The following RGS8 variants were observed in gnomAD, a reference collection of about 807,000 sequenced individuals.
RGS8 encodes regulator of G protein signaling 8.
Under a neutral mutation model 21.7 loss-of-function variants are expected in RGS8, and 8 were observed. The ratio of observed to expected loss-of-function variants is 0.37; its 90% confidence interval spans 0.22 to 0.66. The LOEUF is 0.66. Among genes scored for constraint, RGS8 ranks in the 30% least tolerant of loss-of-function variants. The probability of loss-of-function intolerance (pLI) is 0.59; values close to 1 mark genes in which losing one functional copy is unlikely to be tolerated. For synonymous variants in RGS8, 80 were observed against 83.6 expected (o/e 0.96, Z 0.24); for missense variants, 157 against 217.9 (o/e 0.72, Z 1.76).
chr1:182,697,993 C>A, the RGS8 span, among the ~76,000 whole-genome samples: 2 of 152,110 alleles, frequency 1.3e-5, no homozygotes, highest in Non-Finnish European at 2.9e-5. Context: ...AATTCAGGGA[C>A]TTAGAGGGAA....
the RGS8 span, among the ~76,000 whole-genome samples, chr1:182,699,906 G>C: frequency 0.031 from 4,661 of 152,284 alleles, 106 homozygotes; most frequent in Non-Finnish European, 0.043. Context: ...TGACATATGA[G>C]AGGTCTCACG....
the RGS8 span, among the ~76,000 whole-genome samples, chr1:182,742,032 T>G: frequency 4.0e-4 from 38 of 94,562 alleles, no homozygotes; most frequent in South Asian, 7.3e-4. Context: ...AGACGGGGCG[T>G]CCGGGCAGAG....
chr1:182,683,722 C>G (rs1664616136), intron 1 of RGS8, among the ~76,000 whole-genome samples: 1 of 151,650 alleles, frequency 6.6e-6, no homozygotes, highest in Non-Finnish European at 1.5e-5. Context: ...CTGTAGGAGG[C>G]AACCGTGCCC....
At chr1:182,727,302 G>A in the RGS8 span, among the ~76,000 whole-genome samples, 1 of 152,188 alleles carries the variant, frequency 6.6e-6, no homozygotes, top group Non-Finnish European at 1.5e-5. Context: ...GACCTCATGG[G>A]ACTGTTGGGA....
chr1:182,689,948 A>T, the RGS8 span, among the ~76,000 whole-genome samples: 1 of 152,198 alleles, frequency 6.6e-6, no homozygotes, highest in Admixed American at 6.5e-5. Context: ...TCTTGGCCTG[A>T]TCAACCTGTC....
the RGS8 span, among the ~76,000 whole-genome samples, chr1:182,731,614 C>CA: frequency 6.6e-6 from 1 of 152,168 alleles, no homozygotes; most frequent in African/African-American, 2.4e-5. Flanking sequence ...CTCAACATTA[C>CA]AAAAAGCACA....
At chr1:182,741,481 G>A in the RGS8 span, among the ~76,000 whole-genome samples, 4 of 140,678 alleles carry the variant, frequency 2.8e-5, 1 homozygote, top group South Asian at 4.5e-4. Flanking sequence ...GGGACCGGGC[G>A]GCTGGCCGGG....
chr1:182,711,085 G>C, the RGS8 span, among the ~76,000 whole-genome samples: 1,307 of 152,310 alleles, frequency 8.6e-3, 15 homozygotes, highest in African/African-American at 0.027. Context: ...GGCCCAAGAA[G>C]GAGATCACAC....
intron 3 of RGS8, among the ~76,000 whole-genome samples, chr1:182,667,437 T>C (rs1166122126): frequency 6.6e-6 from 1 of 152,178 alleles, no homozygotes; most frequent in Non-Finnish European, 1.5e-5. Context: ...TATCAGAGTC[T>C]TAAGCACAAA....
the RGS8 span, among the ~76,000 whole-genome samples, chr1:182,705,983 C>G: frequency 0.53 from 80,240 of 151,808 alleles, 22,097 homozygotes; most frequent in African/African-American, 0.71. Flanking sequence ...CTTTTTTTTT[C>G]TTTATTTTTT....
At chr1:182,648,738 A>C (rs1662833117) in intron 5 of RGS8, among the ~76,000 whole-genome samples, 2 of 151,958 alleles carry the variant, frequency 1.3e-5, no homozygotes, top group Admixed American at 1.3e-4. Flanking sequence ...CCGTCTCAAA[A>C]AAAGAAAAAA....
intron 3 of RGS8, 86 bp from the exon 5 acceptor site, chr1:182,667,059 A>C: frequency 9.0e-7 from 1 of 1,111,644 alleles, no homozygotes; most frequent in Non-Finnish European, 1.4e-6. Context: ...AGCTGCTGCT[A>C]CGGGAGCCAG....
At chr1:182,717,141 A>G in the RGS8 span, among the ~76,000 whole-genome samples, 1 of 152,180 alleles carries the variant, frequency 6.6e-6, no homozygotes, top group Non-Finnish European at 1.5e-5. Context: ...AATACTTAGG[A>G]AGTCTAAACA....
At chr1:182,706,847 T>G in the RGS8 span, among the ~76,000 whole-genome samples, 1 of 152,196 alleles carries the variant, frequency 6.6e-6, no homozygotes, top group Non-Finnish European at 1.5e-5. Flanking sequence ...TGGTAACACT[T>G]TAGGCTGTCA....
the RGS8 span, among the ~76,000 whole-genome samples, chr1:182,723,665 G>A: frequency 2.2e-5 from 3 of 136,576 alleles, no homozygotes; most frequent in Admixed American, 1.4e-4. Flanking sequence ...GACTATGCAA[G>A]GGTCTAAAAC....
the RGS8 span, among the ~76,000 whole-genome samples, chr1:182,701,879 A>C: frequency 6.6e-6 from 1 of 152,242 alleles, no homozygotes; most frequent in Non-Finnish European, 1.5e-5. Context: ...TAAAAACCAA[A>C]TGAAATACCA....
At chr1:182,708,916 C>T in the RGS8 span, among the ~76,000 whole-genome samples, 2 of 152,144 alleles carry the variant, frequency 1.3e-5, no homozygotes, top group African/African-American at 4.8e-5. Flanking sequence ...TCTGGGCAGG[C>T]GGAAGCTTGG....
the RGS8 span, among the ~76,000 whole-genome samples, chr1:182,727,736 G>GT: frequency 3.3e-5 from 5 of 152,108 alleles, no homozygotes; most frequent in African/African-American, 7.2e-5. Context: ...AAAGTATAGA[G>GT]TTTTTTCTAA....
At chr1:182,697,468 A>C in the RGS8 span, among the ~76,000 whole-genome samples, 1,921 of 152,302 alleles carry the variant, frequency 0.013, 27 homozygotes, top group Admixed American at 0.033. Flanking sequence ...TTCTTAAGTA[A>C]TCTTTCTCTT....
Sources: gnomAD v4.1 joint callset for allele counts (sites outside exome capture counted in the v4.1 genomes callset) on GRCh38, gnomAD v4.1.1 for gene constraint, MANE v1.5 for transcripts, NCBI Gene and HGNC (gene_info 2026-07-23, HGNC 2026-07-21) for gene names.